Variants in CNTN6 observed in about 807,000 individuals in gnomAD.
CNTN6 encodes contactin 6.
Under a neutral mutation model 122.8 loss-of-function variants are expected in CNTN6, and 137 were observed. The observed-to-expected ratio is 1.12, with a 90% confidence interval of 0.97 to 1.29. The LOEUF (loss-of-function observed/expected upper bound fraction) is 1.29. CNTN6 is among the 50% of genes most tolerant of loss of function. The pLI is 0.00. For missense variants in CNTN6, 1,634 were observed against 1,223.4 expected (o/e 1.34, Z -5.01); for synonymous variants, 570 against 426.0 (o/e 1.34, Z -4.16).
At chr3:1,299,037 G>T (rs1029203507) in intron 7 of CNTN6, among the ~76,000 whole-genome samples, 1 of 152,088 alleles carries the variant, frequency 6.6e-6, no homozygotes, top group African/African-American at 2.4e-5. Context: ...CTAAATCTTA[G>T]TTTGTTTTCT....
intron 2 of CNTN6, among the ~76,000 whole-genome samples, chr3:1,149,632 G>A (rs1313222999): frequency 6.6e-6 from 1 of 152,088 alleles, no homozygotes; most frequent in African/African-American, 2.4e-5. Flanking sequence ...TATTTTGATT[G>A]GTGACACCTC....
At chr3:1,239,301 G>C (rs186871068) in intron 4 of CNTN6, among the ~76,000 whole-genome samples, 367 of 152,264 alleles carry the variant, frequency 2.4e-3, no homozygotes, top group African/African-American at 8.4e-3. Flanking sequence ...TTCTGGAACT[G>C]GTAAATGAAT....
At chr3:1,207,434 G>A (rs1284051425) in intron 2 of CNTN6, among the ~76,000 whole-genome samples, 1 of 152,048 alleles carries the variant, frequency 6.6e-6, no homozygotes, top group Non-Finnish European at 1.5e-5. Flanking sequence ...AGTCTCAGGG[G>A]TTTGACGCTT....
At chr3:1,131,178 T>C (rs2092326333) in intron 1 of CNTN6, among the ~76,000 whole-genome samples, 1 of 152,082 alleles carries the variant, frequency 6.6e-6, no homozygotes, top group Non-Finnish European at 1.5e-5. Context: ...AAATGGTAGG[T>C]CTGCAGGGCA....
intron 5 of CNTN6, among the ~76,000 whole-genome samples, chr3:1,280,882 C>T (rs1051575249): frequency 6.6e-6 from 1 of 152,124 alleles, no homozygotes; most frequent in African/African-American, 2.4e-5. Flanking sequence ...TGTTAAGGGA[C>T]ACTCTCAACT....
Position 1,401,526 on chromosome 3 carries a change from C to G in CNTN6, c.2798C>G (p.Ser933Cys), listed in dbSNP as rs1050937500. The change falls in exon 21 of 23, where the codon TCT becomes TGT. Residue 933 changes from serine (S) to cysteine (C), a missense_variant. Transcript: ENST00000446702. ...CATGTAAAAACCATGGAAAATGAGT[C>G]TGAAGTTTTGGGGTACAAGGTGAGT... ...WEHVKTMENE[S>C]EVLGYKILYR... 1 of 1,610,554 alleles carries G rather than the reference C, an allele frequency of 6.2e-7. No homozygotes were observed. Among genetic ancestry groups the G allele is most frequent in the Non-Finnish European group, 8.5e-7 (1 of 1,177,800 alleles).
intron 20 of CNTN6, among the ~76,000 whole-genome samples, chr3:1,388,221 T>G (rs13068837): frequency 0.12 from 17,561 of 142,114 alleles, 1,789 homozygotes; most frequent in Admixed American, 0.24. Context: ...ATCTGAGAAC[T>G]GGCACACTGC....
intron 2 of CNTN6, among the ~76,000 whole-genome samples, chr3:1,219,305 A>G (rs1056320701): frequency 6.6e-6 from 1 of 152,214 alleles, no homozygotes; most frequent in Admixed American, 6.5e-5. Context: ...ACCTGACAGA[A>G]CGCAGCATAA....
intron 4 of CNTN6, among the ~76,000 whole-genome samples, chr3:1,274,818 C>G (rs1692023182): frequency 6.6e-6 from 1 of 152,112 alleles, no homozygotes; most frequent in Non-Finnish European, 1.5e-5. Flanking sequence ...GTAATTACCA[C>G]TACCCAGTAG....
chr3:1,191,492 C>A (rs2093701728), intron 2 of CNTN6, among the ~76,000 whole-genome samples: 1 of 152,216 alleles, frequency 6.6e-6, no homozygotes, highest in Admixed American at 6.5e-5. Context: ...TGCACCCCAA[C>A]TCCACAGGGA....
intron 11 of CNTN6, among the ~76,000 whole-genome samples, chr3:1,336,260 G>T (rs768069818): frequency 2.4e-4 from 37 of 151,926 alleles, no homozygotes; most frequent in Non-Finnish European, 5.1e-4. Flanking sequence ...CTACATGCTA[G>T]ATGGTGTACC....
rs149086758 is a variant in CNTN6, at chr3:1,302,531, A to G, written c.761+4540A>G. On this transcript the variant is annotated intron_variant, in intron 7 of 22. Coordinates refer to ENST00000446702, the MANE Select transcript of CNTN6 (RefSeq NM_001289080.2). ...AGGAAGGAAATCAATAGGTGGGTAG[A>G]AGGAAAAAGAAATGAAAATATAGAA... Among the ~76,000 whole-genome samples, 805 of 152,228 alleles carry G rather than the reference A, an allele frequency of 5.3e-3. 9 individuals carry two copies. The highest frequency in any genetic ancestry group is 0.018 in the African/African-American group (746 of 41,560).
At chr3:1,097,469 T>C (rs1379903360) in intron 1 of CNTN6, among the ~76,000 whole-genome samples, 3 of 152,182 alleles carry the variant, frequency 2.0e-5, no homozygotes, top group Non-Finnish European at 4.4e-5. Flanking sequence ...TGAAGTATTA[T>C]AAAAAACGAA....
At chr3:1,236,689 A>G (rs373646207) in intron 4 of CNTN6, among the ~76,000 whole-genome samples, 3 of 152,170 alleles carry the variant, frequency 2.0e-5, no homozygotes, top group Admixed American at 6.5e-5. Flanking sequence ...AACTCCCCCA[A>G]AAGATTATGC....
At chr3:1,386,012 C>A (rs1284665932) in intron 20 of CNTN6, among the ~76,000 whole-genome samples, 1 of 152,124 alleles carries the variant, frequency 6.6e-6, no homozygotes, top group Non-Finnish European at 1.5e-5. Flanking sequence ...GAGGAATATT[C>A]CAAGTATATC....
chr3:1,289,670 T>G (rs1173030187), intron 5 of CNTN6, among the ~76,000 whole-genome samples: 2 of 118,656 alleles, frequency 1.7e-5, no homozygotes, highest in African/African-American at 2.8e-5. Flanking sequence ...TGTTTTGTTT[T>G]TTTGGGTTTT....
At chr3:1,382,292 A>T (rs28545570) in intron 17 of CNTN6, among the ~76,000 whole-genome samples, 30,223 of 152,078 alleles carry the variant, frequency 0.2, 3,341 homozygotes, top group African/African-American at 0.28. Flanking sequence ...GAATATTACC[A>T]ATTTCTATTT....
At chr3:1,355,521 A>C (rs574416741) in intron 12 of CNTN6, among the ~76,000 whole-genome samples, 1 of 151,764 alleles carries the variant, frequency 6.6e-6, no homozygotes, top group African/African-American at 2.4e-5. Flanking sequence ...GTGTACATCA[A>C]TTCAACCATT....
chr3:1,402,110 C>A (rs1373529157), intron 21 of CNTN6, among the ~76,000 whole-genome samples: 1 of 149,552 alleles, frequency 6.7e-6, no homozygotes, highest in East Asian at 1.9e-4. Flanking sequence ...ATCTACTCTC[C>A]TTCCAGAGGC....
Sources: allele counts gnomAD v4.1 joint callset (sites outside exome capture counted in the v4.1 genomes callset), GRCh38; gene constraint gnomAD v4.1.1; transcripts MANE v1.5; gene names NCBI Gene and HGNC (gene_info 2026-07-23, HGNC 2026-07-21).